TAF15: variants seen among roughly 807,000 people sequenced by gnomAD.
The protein encoded by TAF15 is TATA-binding protein-associated factor 2N.
In TAF15, 37 loss-of-function variants were observed where a neutral mutation model predicts 102.5. The observed-to-expected ratio is 0.36, with a 90% CI of 0.28 to 0.47. The LOEUF (loss-of-function observed/expected upper bound fraction) is 0.47. Among genes scored for constraint, TAF15 ranks in the 20% least tolerant of loss-of-function variants. The pLI is 0.99. For missense variants in TAF15, 652 were observed against 760.7 expected (o/e 0.86, Z 1.68); for synonymous variants, 273 against 259.2 (o/e 1.05, Z -0.51).
In TAF15 at chr17:35,840,247, CTTTTTT is replaced by C. The variant is rs370455465; in HGVS notation, c.913+1711_913+1716del. Among the ~76,000 whole-genome samples the C allele has an allele frequency of 7.5e-5, 9 of 119,392 alleles. No individual in the cohort carries two copies. The Admixed American group carries it at 7.8e-4, about 10-fold the overall frequency. The allele number at this position is 119,392 out of a possible 152,430, so 78.3% of individuals were successfully genotyped here. On this transcript the variant is annotated intron_variant, in intron 11 of 15. Coordinates refer to ENST00000605844, the MANE Select transcript of TAF15 (RefSeq NM_139215.3). ...CCAAAAACATAATTGCGTTATTTTC[CTTTTTT>C]TTTTTTTTTTTTTTTTGAGACTGAG...
intron 15 of TAF15, among the ~76,000 whole-genome samples, chr17:35,845,990 G>A (rs951797552): frequency 1.3e-5 from 2 of 152,162 alleles, no homozygotes; most frequent in African/African-American, 2.4e-5. Flanking sequence ...TGTTTTTCTG[G>A]AGATACTGAT....
intron 7 of TAF15, among the ~76,000 whole-genome samples, chr17:35,825,423 A>G (rs1483513183): frequency 6.6e-6 from 1 of 152,170 alleles, no homozygotes; most frequent in African/African-American, 2.4e-5. Flanking sequence ...CTCTCTACCT[A>G]ATAATAGCCT....
chr17:35,820,580 A>G lies in TAF15; in HGVS notation c.290+143A>G, dbSNP rs138025515. ...AATGGAGTGTGGATTTTACAACTGT[A>G]TATTATGGAGAATGTGGAAATAGCA... On this transcript the variant is annotated intron_variant, in intron 5 of 15. Coordinates refer to ENST00000605844, the MANE Select transcript of TAF15 (RefSeq NM_139215.3). 606 of 686,232 alleles carry G rather than the reference A, an allele frequency of 8.8e-4. 3 individuals are homozygous for G. The African/African-American group carries it at 1.0e-2, about 11-fold the overall frequency. The allele number at this position is 686,232 out of a possible 1,614,324, so 42.5% of individuals were successfully genotyped here. A position where few individuals can be genotyped will look rare whatever the true frequency, so the allele number is the denominator to read the frequency against.
At chr17:35,840,142 C>A (rs1013966980) in intron 11 of TAF15, among the ~76,000 whole-genome samples, 4 of 151,930 alleles carry the variant, frequency 2.6e-5, no homozygotes, top group Non-Finnish European at 4.4e-5. Context: ...TGGATCTACT[C>A]TTTCCAAAGT....
At chr17:35,835,807 A>G (rs1179254969) in intron 9 of TAF15, among the ~76,000 whole-genome samples, 1 of 152,272 alleles carries the variant, frequency 6.6e-6, no homozygotes, top group Admixed American at 6.5e-5. Context: ...AAGAAATGCT[A>G]AACTAACTCC....
Position 35,844,637 on chromosome 17 carries a change from T to C in TAF15, c.1338T>C (p.Tyr446=), listed in dbSNP as rs1483589276. The change falls in exon 15 of 16, where the codon TAT becomes TAC. Residue 446 remains tyrosine (Y), a synonymous_variant. Transcript: ENST00000605844. ...GCGGAGATAGAAGTGGGGGCGGCTA[T>C]GGTGGAGACAGAAGTGGGGGTGGCT... is the stretch of plus-strand genomic sequence containing the variant. The part of the protein sequence containing the change: ...GYSGDRSGGG[Y]GGDRSGGGYG... 8.8e-6 allele frequency: 13 copies of C among 1,481,494 alleles called. No homozygotes were observed. The highest frequency in any genetic ancestry group is 1.2e-5 in the South Asian group (1 of 82,116). The allele number at this position is 1,481,494 out of a possible 1,614,324, so 91.8% of individuals were successfully genotyped here.
At chr17:35,840,413 G>A (rs2087530031) in intron 11 of TAF15, among the ~76,000 whole-genome samples, 1 of 150,378 alleles carries the variant, frequency 6.6e-6, no homozygotes, top group Non-Finnish European at 1.5e-5. Context: ...CACCACGCCC[G>A]GCTAATTTTT....
chr17:35,832,220 G>T (rs1221095522), intron 7 of TAF15, among the ~76,000 whole-genome samples: 1 of 152,216 alleles, frequency 6.6e-6, no homozygotes, highest in Non-Finnish European at 1.5e-5. Context: ...TAAAGGGAGG[G>T]CTTTAGTACT....
intron 15 of TAF15, 51 bp from the exon 16 acceptor site, chr17:35,846,855 C>G: frequency 6.2e-7 from 1 of 1,601,722 alleles, no homozygotes; most frequent in Non-Finnish European, 8.6e-7. Flanking sequence ...CTAATGCTCC[C>G]CCTTCGTAGA....
chr17:35,834,740 CTTTTTT>C (rs533058888), intron 9 of TAF15, 142 bp downstream of exon 9: 118 of 236,270 alleles, frequency 5.0e-4, no homozygotes, highest in Middle Eastern at 2.9e-3. Flanking sequence ...AGCTTTATTT[CTTTTTT>C]TTTTTTTTTT....
rs1313053684 is a variant in TAF15 at position 35,844,725 on chromosome 17, G to C, written c.1426G>C (p.Gly476Arg). Residue 476 changes from glycine (G) to arginine (R), a missense_variant, in exon 15 of 16, where the codon GGA becomes CGA. Coordinates refer to ENST00000605844, the MANE Select transcript of TAF15 (RefSeq NM_139215.3). Reference protein sequence around the residue: ...DRGGGYGGDRGGGYGGDRGGY... With the variant: ...DRGGGYGGDRRGGYGGDRGGY... Reference sequence around the variant, plus strand: ...AGGAGGCGGCTATGGAGGAGACCGAGGAGGTGGCTATGGAGGAGATCGAGG... The same window carrying C: ...AGGAGGCGGCTATGGAGGAGACCGACGAGGTGGCTATGGAGGAGATCGAGG... 1.2e-6 allele frequency: 2 copies of C among 1,600,268 alleles called. No homozygotes were observed. The highest frequency in any genetic ancestry group is 1.7e-6 in the Non-Finnish European group (2 of 1,172,858).
At chr17:35,832,344 C>T (rs2087417534) in intron 7 of TAF15, among the ~76,000 whole-genome samples, 1 of 152,282 alleles carries the variant, frequency 6.6e-6, no homozygotes, top group East Asian at 1.9e-4. Context: ...CTTAAAAAGG[C>T]ATCCTGGAAA....
rs141832386 is a variant in TAF15 at position 35,827,268 on chromosome 17, G to A, written c.605+3070G>A. Among the ~76,000 whole-genome samples, 791 of 151,526 alleles carry A rather than the reference G, an allele frequency of 5.2e-3. 4 individuals are homozygous for A. Among genetic ancestry groups the A allele is most frequent in the African/African-American group, 0.018 (746 of 41,244 alleles). On this transcript the variant is annotated intron_variant, in intron 7 of 15. Coordinates refer to ENST00000605844, the MANE Select transcript of TAF15 (RefSeq NM_139215.3). ...GGAGAATGGTGTGAACCCAGGAGGC[G>A]GAGCTTGCAGTGAGCTGAGATCGCA...
Position 35,845,670 on chromosome 17 carries a change from C to T in TAF15, c.1739+632C>T, listed in dbSNP as rs4251790. Among the ~76,000 whole-genome samples the T allele has an allele frequency of 8.4e-3, 1,272 of 152,212 alleles. 8 individuals carry two copies. The highest frequency in any genetic ancestry group is 0.011 in the Non-Finnish European group (779 of 68,014). On this transcript the variant is annotated intron_variant, in intron 15 of 15. Coordinates refer to ENST00000605844, the MANE Select transcript of TAF15 (RefSeq NM_139215.3). ...GACTATGGGCGCCCGCCACCACGCC[C>T]GGCTAATTTTTTGTATTTTTAGTAG... is the stretch of plus-strand genomic sequence containing the variant.
intron 7 of TAF15, among the ~76,000 whole-genome samples, chr17:35,828,933 A>T (rs968637771): frequency 6.6e-6 from 1 of 152,210 alleles, no homozygotes; most frequent in Non-Finnish European, 1.5e-5. Flanking sequence ...TGTATTGGAC[A>T]GTGCAGCTCT....
intron 1 of TAF15, among the ~76,000 whole-genome samples, chr17:35,814,133 C>G (rs954271878): frequency 1.3e-5 from 2 of 151,786 alleles, no homozygotes; most frequent in East Asian, 3.9e-4. Context: ...TCTTGAACTC[C>G]TCAGCTCAAG....
chr17:35,840,863 CAA>C (rs557249173), intron 11 of TAF15, among the ~76,000 whole-genome samples: 2 of 146,042 alleles, frequency 1.4e-5, no homozygotes, highest in East Asian at 4.0e-4. Context: ...AAGACTCCGT[CAA>C]AAAAAAAAAT....
intron 7 of TAF15, among the ~76,000 whole-genome samples, chr17:35,833,111 C>G (rs908524459): frequency 6.6e-6 from 1 of 151,776 alleles, no homozygotes; most frequent in Non-Finnish European, 1.5e-5. Context: ...GAGCCAAGAT[C>G]CCACCACTGC....
chr17:35,843,918 A>G (rs934473306), intron 12 of TAF15, among the ~76,000 whole-genome samples, 159 bp from the exon 13 acceptor site: 4 of 152,244 alleles, frequency 2.6e-5, no homozygotes, highest in African/African-American at 4.8e-5. Flanking sequence ...ACTAAGTACA[A>G]GACCCAAATC....
Sources: gnomAD v4.1 joint callset for allele counts (sites outside exome capture counted in the v4.1 genomes callset) on GRCh38, gnomAD v4.1.1 for gene constraint, MANE v1.5 for transcripts, NCBI Gene and HGNC (gene_info 2026-07-23, HGNC 2026-07-21) for gene names.